SPIDR: variants seen among roughly 807,000 people sequenced by gnomAD.
SPIDR encodes scaffold protein involved in DNA repair, also known as DNA repair-scaffolding protein.
Under a neutral mutation model 104.6 loss-of-function variants are expected in SPIDR, and 93 were observed. The observed-to-expected ratio is 0.89, with a 90% CI of 0.75 to 1.06. SPIDR has a LOEUF of 1.06. Among genes scored for constraint, SPIDR ranks in the 50% least tolerant of loss-of-function variants. The pLI, the probability that SPIDR is intolerant of heterozygous loss-of-function variation, is 0.00. For synonymous variants in SPIDR, 431 were observed against 416.9 expected (o/e 1.03, Z -0.41); for missense variants, 1,154 against 1,111.2 (o/e 1.04, Z -0.55).
At chr8:47,621,042 C>T (rs1273372622) in intron 10 of SPIDR, among the ~76,000 whole-genome samples, 3 of 151,964 alleles carry the variant, frequency 2.0e-5, no homozygotes, top group South Asian at 4.1e-4. Context: ...CTGCAGTCTC[C>T]GCCTCCTGGG....
At chr8:47,553,650 C>A (rs1259056860) in intron 8 of SPIDR, among the ~76,000 whole-genome samples, 1 of 152,140 alleles carries the variant, frequency 6.6e-6, no homozygotes, top group Non-Finnish European at 1.5e-5. Flanking sequence ...TTCGTCTAAT[C>A]TTTTTTCAAG....
chr8:47,308,153 C>T (rs911209820), intron 5 of SPIDR, among the ~76,000 whole-genome samples: 3 of 150,998 alleles, frequency 2.0e-5, no homozygotes, highest in Non-Finnish European at 4.4e-5. Context: ...CCTCTACCTC[C>T]TGGGTTCAGC....
At chr8:47,276,409 T>C (rs2036434925) in intron 1 of SPIDR, among the ~76,000 whole-genome samples, 1 of 152,190 alleles carries the variant, frequency 6.6e-6, no homozygotes, top group Non-Finnish European at 1.5e-5. Context: ...CTTGAAAATA[T>C]TTCTCTTTGT....
chr8:47,387,691 G>A (rs2060117348), intron 5 of SPIDR, among the ~76,000 whole-genome samples: 1 of 152,138 alleles, frequency 6.6e-6, no homozygotes, highest in African/African-American at 2.4e-5. Context: ...AACCCTTTAA[G>A]GGAAGATGGG....
At chr8:47,281,513 A>G (rs1435425575) in intron 2 of SPIDR, among the ~76,000 whole-genome samples, 11 of 152,240 alleles carry the variant, frequency 7.2e-5, no homozygotes, top group African/African-American at 2.7e-4. Flanking sequence ...CACTTCAACA[A>G]TGTTCACAGC....
At chr8:47,494,480 T>C (rs2079156920) in intron 8 of SPIDR, among the ~76,000 whole-genome samples, 1 of 152,102 alleles carries the variant, frequency 6.6e-6, no homozygotes. Flanking sequence ...AAATAAATAT[T>C]TTAAAAATTA....
intron 11 of SPIDR, among the ~76,000 whole-genome samples, chr8:47,691,702 C>T (rs1414476903): frequency 2.0e-5 from 3 of 152,222 alleles, no homozygotes; most frequent in Non-Finnish European, 2.9e-5. Flanking sequence ...AGCACAGGTG[C>T]TGTCTCTGTC....
intron 19 of SPIDR, 138 bp from the exon 20 acceptor site, chr8:47,735,169 T>A: frequency 2.7e-6 from 2 of 738,150 alleles, no homozygotes; most frequent in Non-Finnish European, 4.7e-6. Flanking sequence ...TTCCTACCAC[T>A]GTTCTCAGCC....
chr8:47,428,966 A>C (rs2154338480), intron 7 of SPIDR, among the ~76,000 whole-genome samples: 1 of 152,162 alleles, frequency 6.6e-6, no homozygotes, highest in Admixed American at 6.5e-5. Flanking sequence ...TTATATCCTT[A>C]CCCACGTTTC....
chr8:47,525,221 G>A (rs1312796880), intron 8 of SPIDR, among the ~76,000 whole-genome samples: 1 of 152,192 alleles, frequency 6.6e-6, no homozygotes, highest in Non-Finnish European at 1.5e-5. Flanking sequence ...GGAAAGAAGA[G>A]GGAAAAACCC....
At chr8:47,396,666 C>T in intron 6 of SPIDR, 40 bp downstream of exon 6, 1 of 1,541,622 alleles carries the variant, frequency 6.5e-7, no homozygotes, top group African/African-American at 1.4e-5. Context: ...TTAAATTTTT[C>T]TCTTTCTTTA....
chr8:47,596,127 G>A, intron 9 of SPIDR, 121 bp downstream of exon 9: 1 of 794,292 alleles, frequency 1.3e-6, no homozygotes, highest in Non-Finnish European at 2.0e-6. Context: ...CCCACCACAA[G>A]GATGTATGCT....
intron 8 of SPIDR, among the ~76,000 whole-genome samples, chr8:47,530,722 A>G (rs929807833): frequency 6.6e-6 from 1 of 152,126 alleles, no homozygotes; most frequent in Non-Finnish European, 1.5e-5. Flanking sequence ...AAATTTATAA[A>G]AAAGCATTTC....
intron 11 of SPIDR, among the ~76,000 whole-genome samples, chr8:47,677,876 G>C (rs1388047455): frequency 6.6e-6 from 1 of 152,134 alleles, no homozygotes; most frequent in Non-Finnish European, 1.5e-5. Flanking sequence ...GATTTAGAGA[G>C]AGAGATGCAA....
chr8:47,621,456 G>A (rs186847766), intron 10 of SPIDR, among the ~76,000 whole-genome samples: 1 of 152,306 alleles, frequency 6.6e-6, no homozygotes, highest in Admixed American at 6.5e-5. Flanking sequence ...TTTGGGTTAT[G>A]TGATCTCTTC....
intron 10 of SPIDR, among the ~76,000 whole-genome samples, chr8:47,601,941 G>A (rs1458950446): frequency 1.3e-5 from 2 of 152,190 alleles, no homozygotes; most frequent in African/African-American, 4.8e-5. Flanking sequence ...ATTTTGCAGT[G>A]ATAATGATCA....
Position 47,271,341 on chromosome 8 carries a change from A to G in SPIDR, c.34-8521A>G, listed in dbSNP as rs1394857776. Among the ~76,000 whole-genome samples the G allele has an allele frequency of 1.8e-4, 27 of 151,972 alleles. 1 individual carries two copies. Among genetic ancestry groups the G allele is most frequent in the African/African-American group, 6.3e-4 (26 of 41,460 alleles). On this transcript the variant is annotated intron_variant, in intron 1 of 19. Transcript: ENST00000297423. ...CTTCCTTCTGAGACTCTTATTATGC[A>G]TATATTTGTGTGTCTGATGGTGTCC...
At chr8:47,613,612 C>T (rs2063878934) in intron 10 of SPIDR, among the ~76,000 whole-genome samples, 1 of 152,120 alleles carries the variant, frequency 6.6e-6, no homozygotes, top group South Asian at 2.1e-4. Flanking sequence ...TAAATTTTCA[C>T]CAGTGGTGCA....
chr8:47,637,042 T>C (rs1334127202), intron 10 of SPIDR, among the ~76,000 whole-genome samples: 6 of 152,132 alleles, frequency 3.9e-5, no homozygotes, highest in African/African-American at 1.4e-4. Context: ...CACAAATATA[T>C]TCTACTTTTG....
Sources: gnomAD v4.1 joint callset for allele counts (sites outside exome capture counted in the v4.1 genomes callset) on GRCh38, gnomAD v4.1.1 for gene constraint, MANE v1.5 for transcripts, NCBI Gene and HGNC (gene_info 2026-07-23, HGNC 2026-07-21) for gene names.